Variants in ALCAM observed in about 807,000 individuals in gnomAD.
ALCAM encodes CD166 antigen.
Under a neutral mutation model 70.9 loss-of-function variants are expected in ALCAM, and 30 were observed. That is an observed-to-expected ratio of 0.42 (90% CI 0.32 to 0.57). The LOEUF is 0.57. Ranked by LOEUF, ALCAM falls within the 20% of genes least tolerant of loss-of-function variation. ALCAM has a pLI of 0.11. For missense variants in ALCAM, 591 were observed against 695.1 expected, an observed-to-expected ratio of 0.85 and a Z score of 1.68; for synonymous variants, 249 against 242.5, an observed-to-expected ratio of 1.03 and a Z score of -0.25.
At chr3:105,529,377 A>G (rs1409594306) in intron 3 of ALCAM, among the ~76,000 whole-genome samples, 1 of 152,188 alleles carries the variant, frequency 6.6e-6, no homozygotes, top group Non-Finnish European at 1.5e-5. Flanking sequence ...TATAATTCAC[A>G]TAGACTATTT....
intron 1 of ALCAM, among the ~76,000 whole-genome samples, chr3:105,390,363 T>C (rs1433954799): frequency 6.6e-6 from 1 of 152,126 alleles, no homozygotes; most frequent in Non-Finnish European, 1.5e-5. Flanking sequence ...TTGAGCTTTG[T>C]TTATATATGT....
At chr3:105,491,786 C>T (rs903042774) in intron 1 of ALCAM, among the ~76,000 whole-genome samples, 1 of 152,192 alleles carries the variant, frequency 6.6e-6, no homozygotes, top group African/African-American at 2.4e-5. Context: ...GTCCATATCA[C>T]TATCATCATT....
At chr3:105,469,200 A>G (rs1937845276) in intron 1 of ALCAM, among the ~76,000 whole-genome samples, 1 of 151,284 alleles carries the variant, frequency 6.6e-6, no homozygotes, top group African/African-American at 2.4e-5. Context: ...TGTCTGTTTA[A>G]TAAGGCAATC....
chr3:105,373,486 T>C (rs1469611866), intron 1 of ALCAM, among the ~76,000 whole-genome samples: 1 of 152,168 alleles, frequency 6.6e-6, no homozygotes, highest in Non-Finnish European at 1.5e-5. Flanking sequence ...CTGTATAGTT[T>C]TAGAGAGAGT....
At chr3:105,471,809 A>G (rs1294811908) in intron 1 of ALCAM, among the ~76,000 whole-genome samples, 1 of 151,260 alleles carries the variant, frequency 6.6e-6, no homozygotes, top group Non-Finnish European at 1.5e-5. Flanking sequence ...AAACCCTTAT[A>G]CATCCACTCT....
intron 1 of ALCAM, among the ~76,000 whole-genome samples, chr3:105,436,467 A>C (rs933057391): frequency 6.6e-6 from 1 of 152,090 alleles, no homozygotes; most frequent in Admixed American, 6.5e-5. Context: ...AGCTGGGACT[A>C]TAGGTGCCTG....
chr3:105,426,253 C>G (rs1936788165), intron 1 of ALCAM, among the ~76,000 whole-genome samples: 1 of 151,804 alleles, frequency 6.6e-6, no homozygotes, highest in African/African-American at 2.4e-5. Flanking sequence ...AGTGTCAAAT[C>G]AAAAGAATCA....
chr3:105,445,205 A>G (rs1191779861), intron 1 of ALCAM, among the ~76,000 whole-genome samples: 2 of 152,180 alleles, frequency 1.3e-5, no homozygotes, highest in Non-Finnish European at 1.5e-5. Flanking sequence ...TATCAAGAAA[A>G]TAATCCGATT....
intron 8 of ALCAM, among the ~76,000 whole-genome samples, chr3:105,543,577 C>G (rs1438831987): frequency 6.6e-6 from 1 of 151,646 alleles, no homozygotes; most frequent in Non-Finnish European, 1.5e-5. Context: ...AGCGCCAACC[C>G]ATTCTTGCAC....
chr3:105,524,689 A>T, intron 3 of ALCAM, 181 bp downstream of exon 3: 1 of 1,329,816 alleles, frequency 7.5e-7, no homozygotes, highest in Non-Finnish European at 9.6e-7. Context: ...AAGAGTATGA[A>T]ATTCAAATAG....
At chr3:105,551,197 A>G (rs1940396192) in intron 12 of ALCAM, among the ~76,000 whole-genome samples, 1 of 151,676 alleles carries the variant, frequency 6.6e-6, no homozygotes, top group African/African-American at 2.4e-5. Flanking sequence ...TAATGGATTG[A>G]CAGGATAAAA....
intron 14 of ALCAM, among the ~76,000 whole-genome samples, chr3:105,561,649 C>T (rs1940632915): frequency 6.6e-6 from 1 of 152,100 alleles, no homozygotes; most frequent in East Asian, 1.9e-4. Context: ...CTCAAGATCA[C>T]CCTTACTTCT....
intron 1 of ALCAM, among the ~76,000 whole-genome samples, chr3:105,449,247 T>C (rs1937367208): frequency 1.3e-5 from 2 of 152,222 alleles, no homozygotes; most frequent in Admixed American, 6.5e-5. Flanking sequence ...TATGGTCTGC[T>C]TGGCTGCAGG....
chr3:105,540,606 G>A (rs1443505773), intron 7 of ALCAM, among the ~76,000 whole-genome samples: 2 of 151,986 alleles, frequency 1.3e-5, no homozygotes, highest in African/African-American at 4.8e-5. Context: ...ATAGCTGAAG[G>A]AAATGATATG....
chr3:105,417,930 A>G (rs941043369), intron 1 of ALCAM, among the ~76,000 whole-genome samples: 4 of 149,770 alleles, frequency 2.7e-5, no homozygotes, highest in Admixed American at 2.7e-4. Flanking sequence ...CCTTTTTTTC[A>G]AAAATGAATA....
chr3:105,404,314 A>G (rs897916350), intron 1 of ALCAM, among the ~76,000 whole-genome samples: 1 of 152,134 alleles, frequency 6.6e-6, no homozygotes, highest in Non-Finnish European at 1.5e-5. Context: ...CAAAAGAAAG[A>G]ATCTTAAGAG....
chr3:105,503,736 C>T (rs1336311767), intron 1 of ALCAM, among the ~76,000 whole-genome samples: 1 of 152,170 alleles, frequency 6.6e-6, no homozygotes, highest in South Asian at 2.1e-4. Flanking sequence ...CACCCCATTG[C>T]TTCTTTCCCA....
chr3:105,371,480 AC>A (rs764024045), intron 1 of ALCAM, among the ~76,000 whole-genome samples: 35 of 150,632 alleles, frequency 2.3e-4, no homozygotes, highest in Admixed American at 6.6e-4. Context: ...CTTAATTATC[AC>A]TTTTATCATT....
intron 1 of ALCAM, among the ~76,000 whole-genome samples, chr3:105,370,638 A>C (rs1289776234): frequency 6.6e-6 from 1 of 152,142 alleles, no homozygotes; most frequent in Non-Finnish European, 1.5e-5. Flanking sequence ...TTAGAAAAGT[A>C]TCAGTAGACC....
Sources: gnomAD v4.1 joint callset for allele counts (sites outside exome capture counted in the v4.1 genomes callset) on GRCh38, gnomAD v4.1.1 for gene constraint, MANE v1.5 for transcripts, NCBI Gene and HGNC (gene_info 2026-07-23, HGNC 2026-07-21) for gene names.